Variants in PALM2AKAP2 observed in about 807,000 individuals in gnomAD.
PALM2AKAP2 encodes PALM2-AKAP2 fusion protein.
Under a neutral mutation model 71.5 loss-of-function variants are expected in PALM2AKAP2, and 37 were observed. That is an observed-to-expected ratio of 0.52 (90% confidence interval 0.40 to 0.68). The LOEUF (loss-of-function observed/expected upper bound fraction) is 0.68. Among genes scored for constraint, PALM2AKAP2 ranks in the 30% least tolerant of loss-of-function variants. The probability of loss-of-function intolerance (pLI) is 0.00; values close to 1 mark genes in which losing one functional copy is unlikely to be tolerated. For missense variants in PALM2AKAP2, 1,224 were observed against 1,191.8 expected, an observed-to-expected ratio of 1.03 and a Z score of -0.40; for synonymous variants, 468 against 478.8, an observed-to-expected ratio of 0.98 and a Z score of 0.29.
chr9:110,025,089 C>T (rs942671532), intron 7 of PALM2AKAP2: 47 of 1,091,468 alleles, frequency 4.3e-5, no homozygotes, highest in Non-Finnish European at 6.5e-5. Flanking sequence ...GCTCAATATG[C>T]ACATTAATTC....
intron 6 of PALM2AKAP2, among the ~76,000 whole-genome samples, chr9:110,000,226 T>C (rs148750534): frequency 0.15 from 22,627 of 147,300 alleles, 2,180 homozygotes; most frequent in Middle Eastern, 0.23. Context: ...TGTGTTTTCA[T>C]TGTTCAATTC....
intron 1 of PALM2AKAP2, among the ~76,000 whole-genome samples, chr9:110,062,903 C>G (rs921689171): frequency 1.3e-5 from 2 of 152,168 alleles, no homozygotes; most frequent in Non-Finnish European, 2.9e-5. Context: ...AAATACCTGC[C>G]TTCCCTATAT....
chr9:110,163,019 G>A (rs1836642498), intron 3 of PALM2AKAP2, among the ~76,000 whole-genome samples: 2 of 152,044 alleles, frequency 1.3e-5, no homozygotes, highest in Admixed American at 6.5e-5. Flanking sequence ...GTCCCCAAAA[G>A]TCTTCTTTCC....
chr9:109,842,606 G>A (rs1292829499), intron 1 of PALM2AKAP2, among the ~76,000 whole-genome samples: 1 of 152,152 alleles, frequency 6.6e-6, no homozygotes, highest in Non-Finnish European at 1.5e-5. Flanking sequence ...AAATGGCAGA[G>A]TTAACACTTC....
chr9:109,758,851 T>C (rs1829007537), intron 1 of PALM2AKAP2, among the ~76,000 whole-genome samples: 2 of 152,108 alleles, frequency 1.3e-5, no homozygotes, highest in Non-Finnish European at 2.9e-5. Context: ...CTTTTGTTCA[T>C]TTGTTTTTAA....
Position 110,124,883 on chromosome 9 carries a change from A to C in PALM2AKAP2, c.157-11244A>C, listed in dbSNP as rs112791337. Among the ~76,000 whole-genome samples the C allele has an allele frequency of 3.3e-3, 497 of 152,354 alleles. 6 individuals are homozygous for C. Among genetic ancestry groups the C allele is most frequent in the African/African-American group, 0.011 (466 of 41,572 alleles). ...GTGCTTGTGAAATGATATGAGTAAA[A>C]AAAAAGTTGGCACAGAATTGCATTT... On this transcript the variant is annotated intron_variant, in intron 1 of 3. Transcript: ENST00000374525.
intron 1 of PALM2AKAP2, among the ~76,000 whole-genome samples, chr9:109,858,967 A>G (rs1829242879): frequency 6.6e-6 from 1 of 152,194 alleles, no homozygotes; most frequent in African/African-American, 2.4e-5. Flanking sequence ...GATATAACCC[A>G]TATGGGCTAT....
intron 1 of PALM2AKAP2, among the ~76,000 whole-genome samples, chr9:109,821,595 T>A (rs890181339): frequency 2.6e-5 from 4 of 152,210 alleles, no homozygotes; most frequent in Non-Finnish European, 2.9e-5. Context: ...GAGAAAGGCA[T>A]GTTTCTGCCT....
intron 2 of PALM2AKAP2, among the ~76,000 whole-genome samples, chr9:110,144,720 T>C (rs1836120900): frequency 1.3e-5 from 2 of 152,328 alleles, no homozygotes; most frequent in African/African-American, 4.8e-5. Flanking sequence ...ATTAAGTGGG[T>C]AAAGACTAGG....
At chr9:109,888,804 C>CATTTAGG (rs1830024324) in intron 3 of PALM2AKAP2, among the ~76,000 whole-genome samples, 2 of 150,800 alleles carry the variant, frequency 1.3e-5, no homozygotes, top group African/African-American at 4.9e-5. Flanking sequence ...GTGCTATTGA[C>CATTTAGG]ATTTAGGGCT....
chr9:109,861,665 G>A (rs1003900851), intron 1 of PALM2AKAP2, among the ~76,000 whole-genome samples: 3 of 152,008 alleles, frequency 2.0e-5, no homozygotes, highest in Non-Finnish European at 2.9e-5. Flanking sequence ...GCTTTTCCCT[G>A]GAATTTCCAC....
chr9:110,020,793 G>GA (rs1327051892), intron 7 of PALM2AKAP2, among the ~76,000 whole-genome samples: 2 of 151,868 alleles, frequency 1.3e-5, no homozygotes, highest in African/African-American at 2.4e-5. Context: ...GACTTATTTG[G>GA]AAAAAAAGTC....
chr9:110,118,408 G>A (rs1471530108), intron 1 of PALM2AKAP2, among the ~76,000 whole-genome samples: 9 of 151,762 alleles, frequency 5.9e-5, no homozygotes, highest in Admixed American at 2.6e-4. Flanking sequence ...CACCACGCCC[G>A]GCTAATTTTT....
At chr9:109,705,263 C>T (rs1380691711) in intron 1 of PALM2AKAP2, among the ~76,000 whole-genome samples, 1 of 152,166 alleles carries the variant, frequency 6.6e-6, no homozygotes, top group Non-Finnish European at 1.5e-5. Flanking sequence ...CACTTAATCG[C>T]CTTTTCCAAA....
intron 1 of PALM2AKAP2, among the ~76,000 whole-genome samples, chr9:109,791,180 C>T (rs1329299054): frequency 6.6e-6 from 1 of 152,172 alleles, no homozygotes; most frequent in Non-Finnish European, 1.5e-5. Flanking sequence ...TGTTTACTCC[C>T]CATCCTTATT....
At chr9:109,922,179 G>A (rs1220930270) in intron 3 of PALM2AKAP2, among the ~76,000 whole-genome samples, 1 of 151,902 alleles carries the variant, frequency 6.6e-6, no homozygotes, top group African/African-American at 2.4e-5. Flanking sequence ...CAGCACTTTG[G>A]GAGCCTGAGG....
chr9:110,034,687 C>T (rs1362461463), intron 7 of PALM2AKAP2, among the ~76,000 whole-genome samples: 1 of 149,534 alleles, frequency 6.7e-6, no homozygotes, highest in Non-Finnish European at 1.5e-5. Flanking sequence ...TCACTGCAAC[C>T]TCTGCTTCCC....
In PALM2AKAP2 at chr9:109,691,853, T is replaced by C. The variant is rs796903005; in HGVS notation, c.5+50987T>C. On this transcript the variant is annotated intron_variant, in intron 1 of 6. Coordinates refer to the PALM2AKAP2 transcript ENST00000374531. ...AAGACGATATATATATATATATATA[T>C]ATATATATATATATACACACACACA... is the stretch of plus-strand genomic sequence containing the variant. 4.9e-3 allele frequency among the ~76,000 whole-genome samples: 207 copies of C among 42,028 alleles called. 7 individuals carry two copies. In the South Asian group the frequency reaches 0.084, roughly 17 times the overall value. The allele number at this position is 42,028 out of a possible 152,430, so 27.6% of individuals were successfully genotyped here.
At chr9:110,153,608 T>G (rs776266906) in intron 2 of PALM2AKAP2, among the ~76,000 whole-genome samples, 19 of 152,284 alleles carry the variant, frequency 1.2e-4, no homozygotes, top group Admixed American at 2.6e-4. Flanking sequence ...TATTTCATAA[T>G]GGACTTACTG....
Sources: allele counts gnomAD v4.1 joint callset (sites outside exome capture counted in the v4.1 genomes callset), GRCh38; gene constraint gnomAD v4.1.1; transcripts MANE v1.5; gene names NCBI Gene and HGNC (gene_info 2026-07-23, HGNC 2026-07-21).